Variants in OCM observed in about 807,000 individuals in gnomAD.
OCM encodes the protein oncomodulin, also known as oncomodulin-1.
A neutral mutation model predicts 14.1 loss-of-function variants in OCM; 18 were observed. That is an observed-to-expected ratio of 1.28 (90% CI 0.88 to 1.89). The LOEUF (loss-of-function observed/expected upper bound fraction) is 1.89. Ranked by LOEUF, OCM falls within the 40% of genes most tolerant of loss-of-function variation. OCM has a pLI of 0.00. For synonymous variants in OCM, 48 were observed against 51.0 expected, an observed-to-expected ratio of 0.94 and a Z score of 0.25; for missense variants, 140 against 137.6, an observed-to-expected ratio of 1.02 and a Z score of -0.09.
At chr7:5,866,158 CA>C in the OCM span, among the ~76,000 whole-genome samples, 299 of 140,440 alleles carry the variant, frequency 2.1e-3, no homozygotes, top group African/African-American at 6.3e-3. Flanking sequence ...CCAGTCTCTA[CA>C]AAAAAAAAAA....
chr7:5,866,656 A>G, the OCM span, among the ~76,000 whole-genome samples: 7 of 152,114 alleles, frequency 4.6e-5, no homozygotes, highest in African/African-American at 1.7e-4. Flanking sequence ...AACTCACTCA[A>G]CTCCCAGTAA....
chr7:5,883,072 C>T (rs1383652005), intron 2 of OCM, among the ~76,000 whole-genome samples: 1 of 152,104 alleles, frequency 6.6e-6, no homozygotes, highest in African/African-American at 2.4e-5. Flanking sequence ...AAACTCCTGA[C>T]TTCAAGTGAT....
At chr7:5,869,769 C>A in the OCM span, among the ~76,000 whole-genome samples, 1 of 152,082 alleles carries the variant, frequency 6.6e-6, no homozygotes, top group African/African-American at 2.4e-5. Context: ...GCCCATAATC[C>A]GCACGTGCTT....
At chr7:5,860,805 C>CATATATACACACATAT in the OCM span, among the ~76,000 whole-genome samples, 11 of 109,986 alleles carry the variant, frequency 1.0e-4, no homozygotes, top group African/African-American at 3.6e-4. Context: ...TATATACACA[C>CATATATACACACATAT]ATACACACAT....
At chr7:5,884,653 A>G (rs1781296609) in intron 3 of OCM, among the ~76,000 whole-genome samples, 5 of 151,950 alleles carry the variant, frequency 3.3e-5, no homozygotes, top group African/African-American at 1.2e-4. Context: ...TCAGCAGAAC[A>G]TATGATGGTC....
At chr7:5,864,595 C>G in the OCM span, among the ~76,000 whole-genome samples, 2 of 152,020 alleles carry the variant, frequency 1.3e-5, 1 homozygote, top group South Asian at 4.1e-4. Context: ...GTTTTCTAGA[C>G]GGCATCCTCA....
chr7:5,871,117 C>A, the OCM span, among the ~76,000 whole-genome samples: 3 of 151,768 alleles, frequency 2.0e-5, no homozygotes, highest in Non-Finnish European at 4.4e-5. Flanking sequence ...GAGGCCAAAG[C>A]GGGAGGATGG....
chr7:5,864,686 G>A, the OCM span, among the ~76,000 whole-genome samples: 19 of 152,092 alleles, frequency 1.2e-4, no homozygotes, highest in Non-Finnish European at 1.9e-4. Context: ...CGGGCACCGT[G>A]GCTCACACCT....
upstream of OCM, among the ~76,000 whole-genome samples, chr7:5,879,608 C>T (rs2128606299): frequency 6.6e-6 from 1 of 152,144 alleles, no homozygotes; most frequent in Non-Finnish European, 1.5e-5. Context: ...CTCCACCTTA[C>T]CAGGCATCTA....
chr7:5,882,646 G>A (rs1562530625), intron 2 of OCM, 21 bp downstream of exon 2: 2 of 1,613,534 alleles, frequency 1.2e-6, no homozygotes, highest in Admixed American at 1.7e-5. Flanking sequence ...TCCTGAGTCT[G>A]TCTGGTACCC....
At chr7:5,871,178 C>T in the OCM span, among the ~76,000 whole-genome samples, 3 of 151,496 alleles carry the variant, frequency 2.0e-5, no homozygotes, top group Admixed American at 2.0e-4. Context: ...GAGAGCCCCC[C>T]CCCCGTCTCT....
the OCM span, among the ~76,000 whole-genome samples, chr7:5,872,682 G>A: frequency 7.1e-4 from 108 of 152,164 alleles, no homozygotes; most frequent in Non-Finnish European, 9.3e-4. Flanking sequence ...GGCAGCATGC[G>A]CGTTAAGAGT....
Position 5,884,017 on chromosome 7 carries a change from C to G in OCM, c.304+18C>G. On this transcript the variant is annotated intron_variant, in intron 3 of 3. Coordinates refer to ENST00000242104, the MANE Select transcript of OCM (RefSeq NM_001097622.2). The stretch of plus-strand genomic sequence containing the variant: ...AGCAGAGGGTATGTCCACACGTGTA[C>G]GTAGCATAAAACACTCTAGCTCAGG... 6.2e-7 allele frequency: 1 copy of G among 1,610,066 alleles called. No individual in the cohort carries two copies. The highest frequency in any genetic ancestry group is 8.5e-7 in the Non-Finnish European group (1 of 1,177,650).
At chr7:5,875,675 C>A (rs1368431561), upstream of OCM, among the ~76,000 whole-genome samples, 1 of 152,022 alleles carries the variant, frequency 6.6e-6, no homozygotes, top group Non-Finnish European at 1.5e-5. Context: ...TGGTTTAACC[C>A]ATATGCTACT....
the OCM span, among the ~76,000 whole-genome samples, chr7:5,873,335 C>T: frequency 6.6e-6 from 1 of 151,866 alleles, no homozygotes; most frequent in Admixed American, 6.6e-5. Flanking sequence ...CTAGATCTTG[C>T]CATTGCACTC....
the OCM span, among the ~76,000 whole-genome samples, chr7:5,874,254 GATCT>G: frequency 1.3e-5 from 1 of 76,326 alleles, no homozygotes; most frequent in Non-Finnish European, 2.5e-5. Flanking sequence ...AAAAAAAAAA[GATCT>G]ATTTCCACAT....
At chr7:5,865,832 C>A in the OCM span, among the ~76,000 whole-genome samples, 9 of 152,236 alleles carry the variant, frequency 5.9e-5, 3 homozygotes, top group African/African-American at 2.2e-4. Context: ...AACAACAATA[C>A]TGAAATCTTT....
At chr7:5,879,140 G>A (rs543852454), upstream of OCM, among the ~76,000 whole-genome samples, 1 of 152,292 alleles carries the variant, frequency 6.6e-6, no homozygotes, top group East Asian at 1.9e-4. Flanking sequence ...GGTCAAGGCT[G>A]CAATGAGCTG....
intron 2 of OCM, among the ~76,000 whole-genome samples, chr7:5,882,969 A>G (rs1232693887): frequency 2.6e-5 from 4 of 151,400 alleles, no homozygotes; most frequent in Non-Finnish European, 1.5e-5. Flanking sequence ...CAGTCTCCCA[A>G]GTGGCTGGGA....
Sources: gnomAD v4.1 joint callset for allele counts (sites outside exome capture counted in the v4.1 genomes callset) on GRCh38, gnomAD v4.1.1 for gene constraint, MANE v1.5 for transcripts, NCBI Gene and HGNC (gene_info 2026-07-23, HGNC 2026-07-21) for gene names.